DLC1: variants seen among roughly 807,000 people sequenced by gnomAD.
The protein encoded by DLC1 is DLC1 Rho GTPase activating protein.
Under a neutral mutation model 140.3 loss-of-function variants are expected in DLC1, and 54 were observed. The observed-to-expected ratio is 0.38, with a 90% CI of 0.31 to 0.48. The LOEUF (loss-of-function observed/expected upper bound fraction) is 0.48. DLC1 is among the 20% of genes least tolerant of loss of function. The pLI, the probability that DLC1 is intolerant of heterozygous loss-of-function variation, is 0.96. For synonymous variants in DLC1, 986 were observed against 728.1 expected (o/e 1.35, Z -5.70); for missense variants, 2,536 against 1,907.0 (o/e 1.33, Z -6.14).
At chr8:13,355,118 GAATT>G (rs143150637) in intron 4 of DLC1, among the ~76,000 whole-genome samples, 127,006 of 151,666 alleles carry the variant, frequency 0.84, 53,454 homozygotes, top group East Asian at 0.97. Context: ...ATACCATAAA[GAATT>G]AATTATTCAA....
intron 5 of DLC1, chr8:13,304,659 A>G (rs1463731743): frequency 3.5e-5 from 33 of 939,554 alleles, no homozygotes; most frequent in Non-Finnish European, 4.2e-5. Flanking sequence ...TACACAGAAC[A>G]CATAAGATAG....
At chr8:13,219,310 A>G (rs1376700798) in intron 5 of DLC1, among the ~76,000 whole-genome samples, 3 of 123,324 alleles carry the variant, frequency 2.4e-5, no homozygotes, top group Non-Finnish European at 5.3e-5. Context: ...ATTCTTAAAT[A>G]TGAATAGTTA....
chr8:13,491,080 A>G (rs1801216051), intron 2 of DLC1, among the ~76,000 whole-genome samples: 1 of 147,948 alleles, frequency 6.8e-6, no homozygotes. Context: ...ATCTGAATAT[A>G]TACATATTCA....
At chr8:13,385,193 G>C (rs1563303267) in intron 4 of DLC1, among the ~76,000 whole-genome samples, 4 of 152,098 alleles carry the variant, frequency 2.6e-5, no homozygotes, top group Admixed American at 2.6e-4. Flanking sequence ...TTTGGTAAAT[G>C]CTTATCTAGT....
intron 5 of DLC1, chr8:13,214,512 A>AT: frequency 1.5e-6 from 1 of 670,712 alleles, no homozygotes; most frequent in South Asian, 1.8e-5. Context: ...AAACTGGCAT[A>AT]TTGTCACATC....
At chr8:13,567,933 T>A in intron 1 of DLC1, 13 of 1,548,336 alleles carry the variant, frequency 8.4e-6, no homozygotes, top group Non-Finnish European at 1.1e-5. Flanking sequence ...AGCTGGTGAT[T>A]GTTAATGATA....
intron 5 of DLC1, among the ~76,000 whole-genome samples, chr8:13,275,423 TTAAGAA>T (rs553928527): frequency 5.8e-4 from 88 of 152,190 alleles, no homozygotes; most frequent in African/African-American, 1.8e-3. Flanking sequence ...ACCAAAGAGG[TTAAGAA>T]AACATAGTCT....
At chr8:13,309,222 C>T (rs538012884) in intron 4 of DLC1, among the ~76,000 whole-genome samples, 4 of 152,130 alleles carry the variant, frequency 2.6e-5, no homozygotes, top group South Asian at 4.2e-4. Context: ...CATATGGGTT[C>T]GCTGTAACTT....
chr8:13,333,714 A>C (rs1197226472), intron 4 of DLC1, among the ~76,000 whole-genome samples: 1 of 152,154 alleles, frequency 6.6e-6, no homozygotes, highest in African/African-American at 2.4e-5. Context: ...ATTTATAGTA[A>C]CTCAAACTAA....
chr8:13,427,060 C>T (rs1838621153), intron 2 of DLC1, among the ~76,000 whole-genome samples: 1 of 152,134 alleles, frequency 6.6e-6, no homozygotes, highest in Non-Finnish European at 1.5e-5. Flanking sequence ...GCTGATTCCA[C>T]ACTCCTTGCC....
chr8:13,451,331 G>T (rs549216028), intron 2 of DLC1, among the ~76,000 whole-genome samples: 15 of 151,904 alleles, frequency 9.9e-5, no homozygotes, highest in African/African-American at 3.4e-4. Flanking sequence ...TGGAAAATTG[G>T]GCGTCCATTC....
At chr8:13,105,388 T>A (rs1819476349) in intron 7 of DLC1, among the ~76,000 whole-genome samples, 1 of 152,164 alleles carries the variant, frequency 6.6e-6, no homozygotes, top group Non-Finnish European at 1.5e-5. Flanking sequence ...AAACGAGGCC[T>A]ACTGCGGGCC....
chr8:13,550,641 T>C (rs1803814599), intron 1 of DLC1, among the ~76,000 whole-genome samples: 1 of 152,134 alleles, frequency 6.6e-6, no homozygotes, highest in South Asian at 2.1e-4. Context: ...AAAATATCAT[T>C]ATGTATATTA....
At position 13,251,725 on chromosome 8, in the gene DLC1, C is replaced by G. The variant is rs182604215; in HGVS notation, c.1348+53544G>C. 2.2e-3 allele frequency among the ~76,000 whole-genome samples: 337 copies of G among 152,220 alleles called. 3 individuals carry two copies. The highest frequency in any genetic ancestry group is 7.6e-3 in the African/African-American group (314 of 41,534). ...CATGAGATCTAAATTCTAGTCACCT[C>G]TCTGAACCAAAGTTTCTTCATCTTT... is the stretch of plus-strand genomic sequence containing the variant. On this transcript the variant is annotated intron_variant, in intron 5 of 17. Transcript: ENST00000276297.
chr8:13,381,361 A>T (rs1836245239), intron 4 of DLC1, among the ~76,000 whole-genome samples: 2 of 152,212 alleles, frequency 1.3e-5, no homozygotes, highest in Admixed American at 6.5e-5. Flanking sequence ...AGGCCACGTT[A>T]AGGAGATCAC....
intron 5 of DLC1, among the ~76,000 whole-genome samples, chr8:13,161,802 C>G (rs542917768): frequency 4.3e-4 from 65 of 152,292 alleles, no homozygotes; most frequent in African/African-American, 1.5e-3. Flanking sequence ...GATTCTTAAC[C>G]TGTGCAATGC....
rs57072673 is a variant in DLC1, at chr8:13,475,120, ATT to A, written c.1023+23927_1023+23928del. 1.1e-4 allele frequency among the ~76,000 whole-genome samples: 16 copies of A among 151,950 alleles called. 1 individual carries two copies. Among genetic ancestry groups the A allele is most frequent in the African/African-American group, 2.9e-4 (12 of 41,338 alleles). On this transcript the variant is annotated intron_variant, in intron 2 of 17. Coordinates refer to ENST00000276297, the MANE Select transcript of DLC1 (RefSeq NM_182643.3). ...GAGCCACTGCATCCAGCAAAATGACATTTTTTTTTAATAAGCCAAAGAGATCA... is the reference window on the plus strand; with the variant it reads ...GAGCCACTGCATCCAGCAAAATGACATTTTTTTAATAAGCCAAAGAGATCA...
chr8:13,575,925 G>T (rs547155253), intron 1 of DLC1, among the ~76,000 whole-genome samples: 1 of 152,260 alleles, frequency 6.6e-6, no homozygotes, highest in African/African-American at 2.4e-5. Context: ...TATCTGTGTG[G>T]CAAGAGAGTC....
chr8:13,265,059 A>G (rs1830627745), intron 5 of DLC1, among the ~76,000 whole-genome samples: 1 of 152,216 alleles, frequency 6.6e-6, no homozygotes, highest in Non-Finnish European at 1.5e-5. Flanking sequence ...GTACAAGGGT[A>G]TGGGTCAGCT....
Sources: allele counts gnomAD v4.1 joint callset (sites outside exome capture counted in the v4.1 genomes callset), GRCh38; gene constraint gnomAD v4.1.1; transcripts MANE v1.5; gene names NCBI Gene and HGNC (gene_info 2026-07-23, HGNC 2026-07-21).